The following HUWE1 variants were observed in gnomAD, a reference collection of about 807,000 sequenced individuals.
HUWE1 encodes the protein E3 ubiquitin-protein ligase HUWE1.
HUWE1 carries 18 observed loss-of-function variants against 299.4 expected under a neutral mutation model. The observed-to-expected ratio is 0.06, with a 90% CI of 0.04 to 0.09. The LOEUF (loss-of-function observed/expected upper bound fraction) is 0.09. HUWE1 is among the 10% of genes least tolerant of loss of function. HUWE1 has a pLI of 1.00. For missense variants in HUWE1, 1,832 were observed against 3,462.3 expected (o/e 0.53, Z 11.82); for synonymous variants, 1,317 against 1,286.1 (o/e 1.02, Z -0.51).
rs1556932833 is a variant in HUWE1, at chrX:53,554,851, T to C, written c.8276A>G (p.Lys2759Arg). The C allele has an allele frequency of 9.9e-6, 12 of 1,206,730 alleles. No homozygotes were observed. Among genetic ancestry groups the C allele is most frequent in the Non-Finnish European group, 1.3e-5 (12 of 892,127 alleles). The change falls in exon 61 of 84, where the codon AAG becomes AGG. Residue 2759 changes from lysine (K) to arginine (R), a missense_variant. Lys to Arg is a conservative substitution (Grantham distance 26). Around this residue, in one of 15 missense-constraint regions of HUWE1, gnomAD observed 143 missense variants for 148.1 expected, o/e 0.97. Transcript: ENST00000262854. ...GGATTGCAGAGTGCCAAGGGTCTCC[T>C]TGGACTCAGATGTAGCTGCATCAGT... The part of the protein sequence containing the change: ...SSTDAATSES[K>R]ETLGTLQSSQ...
chrX:53,603,087 T>C (rs1243886923), intron 27 of HUWE1, among the ~76,000 whole-genome samples: 5 of 111,580 alleles, frequency 4.5e-5, no homozygotes, highest in African/African-American at 1.3e-4. Context: ...ACCTGACCTC[T>C]TGATTTGCCT....
Position 53,614,664 on chromosome X carries a change from C to T in HUWE1, c.2131G>A (p.Ala711Thr), listed in dbSNP as rs782410724. The T allele has an allele frequency of 1.7e-6, 2 of 1,203,491 alleles. No individual in the cohort carries two copies. The highest frequency in any genetic ancestry group is 2.2e-5 in the Admixed American group (1 of 45,723). The change falls in exon 23 of 84, where the codon GCC (alanine) becomes ACC (threonine). Residue 711 changes from alanine to threonine, a missense_variant. Physicochemically the swap from Ala to Thr is moderately conservative, Grantham distance 58. Coordinates refer to ENST00000262854, the MANE Select transcript of HUWE1 (RefSeq NM_031407.7). ...KPSIQKADGTATAPPPRSNHA... is the reference protein window; with the variant it reads ...KPSIQKADGTTTAPPPRSNHA... ...TTAGACCTTGGGGGAGGAGCAGTGGCAGTGCCATCTGCCTTCTGGATTGAT... is the reference window on the plus strand; with the variant it reads ...TTAGACCTTGGGGGAGGAGCAGTGGTAGTGCCATCTGCCTTCTGGATTGAT...
chrX:53,592,455 C>T lies in HUWE1; in HGVS notation c.3915G>A (p.Gly1305=). The part of the protein sequence containing the change: ...KEGSRGEEDT[G]QEEGGSRREP... ...CCCGGCGGGAGCCACCTTCCTCTTG[C>T]CCTGTATCCTCTTCTCCTCGAGACC... The change falls in exon 33 of 84, where the codon GGG becomes GGA. Residue 1305 remains glycine, a synonymous_variant. Transcript: ENST00000262854. 2 of 1,211,045 alleles carry T rather than the reference C, an allele frequency of 1.7e-6. No individual in the cohort carries two copies. The highest frequency in any genetic ancestry group is 3.0e-5 in the East Asian group (1 of 33,828).
intron 3 of HUWE1, among the ~76,000 whole-genome samples, chrX:53,679,037 T>C (rs1170981625): frequency 8.9e-6 from 1 of 111,952 alleles, no homozygotes; most frequent in African/African-American, 3.3e-5. Flanking sequence ...ATTATAGCCA[T>C]TGTTCCATTA....
At position 53,580,899 on chromosome X, in the gene HUWE1, T is replaced by C. The variant is rs2063584929; in HGVS notation, c.5648A>G (p.Asp1883Gly). 8.3e-7 allele frequency: 1 copy of C among 1,211,618 alleles called. No individual in the cohort carries two copies. Among genetic ancestry groups the C allele is most frequent in the Non-Finnish European group, 1.1e-6 (1 of 895,421 alleles). Residue 1883 changes from aspartate to glycine, a missense_variant, in exon 43 of 84, where the codon GAC becomes GGC. By Grantham distance (94) the Asp-to-Gly change is moderately conservative (BLOSUM62 -1). Around this residue, in one of 15 missense-constraint regions of HUWE1, gnomAD observed 47 missense variants for 45.8 expected, o/e 1.03. Coordinates refer to ENST00000262854, the MANE Select transcript of HUWE1 (RefSeq NM_031407.7). ...GCAGTTGGCCACTTCTGTGAATATG[T>C]CTGGATTGCGGCATGCGGCTGGCCC... Reference protein sequence around the residue: ...VLGPAACRNPDIFTEVANCCI... With the variant: ...VLGPAACRNPGIFTEVANCCI...
intron 55 of HUWE1, 99 bp downstream of exon 55, chrX:53,561,657 G>A: frequency 8.7e-7 from 1 of 1,146,203 alleles, no homozygotes; most frequent in Non-Finnish European, 1.2e-6. Context: ...GAAAAGAAGT[G>A]CTGTCTGTAT....
chrX:53,684,337 G>A (rs781848391), intron 2 of HUWE1, among the ~76,000 whole-genome samples: 2 of 112,389 alleles, frequency 1.8e-5, no homozygotes, highest in Admixed American at 1.9e-4. Context: ...GGAGAAAGGC[G>A]GAGCTTCATG....
At chrX:53,593,833 T>A (rs1291752929) in intron 31 of HUWE1, among the ~76,000 whole-genome samples, 2 of 112,252 alleles carry the variant, frequency 1.8e-5, no homozygotes, top group African/African-American at 6.5e-5. Flanking sequence ...GCGCGGTGGC[T>A]CACGCCTGTA....
chrX:53,591,136 G>A lies in HUWE1; in HGVS notation c.3973-14C>T, dbSNP rs781900306. 3.3e-6 allele frequency: 4 copies of A among 1,207,445 alleles called. No homozygotes were observed. In the Admixed American group the frequency reaches 8.7e-5, roughly 26 times the overall value. Reference sequence around the variant, plus strand: ...CATGTCCATGAGCTACATAAAGAATGCAAGGGCTCAGAATCACATAACGGA... The same window carrying A: ...CATGTCCATGAGCTACATAAAGAATACAAGGGCTCAGAATCACATAACGGA... On this transcript the variant is annotated splice_polypyrimidine_tract_variant and intron_variant, in intron 33 of 83. Transcript: ENST00000262854.
intron 7 of HUWE1, 50 bp from the exon 8 acceptor site, chrX:53,634,348 C>A: frequency 1.1e-6 from 1 of 903,045 alleles, no homozygotes; most frequent in Non-Finnish European, 1.6e-6. Context: ...GGTGACTTTG[C>A]GCCACTGCAC....
Position 53,545,179 on chromosome X carries a change from T to C in HUWE1, c.10916-18A>G. On this transcript the variant is annotated intron_variant, in intron 70 of 83. Coordinates refer to ENST00000262854, the MANE Select transcript of HUWE1 (RefSeq NM_031407.7). ...CAGGGTACCTGAGCAGGCAGAGGAG[T>C]CAGCAAGTGTTCAGAGACTCCCCTG... 8 of 1,206,654 alleles carry C rather than the reference T, an allele frequency of 6.6e-6. No homozygotes were observed. The highest frequency in any genetic ancestry group is 9.0e-6 in the Non-Finnish European group (8 of 893,120).
At chrX:53,661,463 G>A (rs1441975000) in intron 3 of HUWE1, among the ~76,000 whole-genome samples, 1 of 111,580 alleles carries the variant, frequency 9.0e-6, no homozygotes, top group Non-Finnish European at 1.9e-5. Flanking sequence ...GGAAACTAGG[G>A]CCCAAGATGA....
chrX:53,588,546 A>C lies in HUWE1; in HGVS notation c.4462-12T>G. On this transcript the variant is annotated splice_polypyrimidine_tract_variant and intron_variant, in intron 36 of 83. Coordinates refer to ENST00000262854, the MANE Select transcript of HUWE1 (RefSeq NM_031407.7). Reference sequence around the variant, plus strand: ...GCAGCTTCCCACACCTAGAAAAGCAAAAAAAGGGTTAAGTCACGGAACCGC... The same window carrying C: ...GCAGCTTCCCACACCTAGAAAAGCACAAAAAGGGTTAAGTCACGGAACCGC... 1 of 1,198,411 alleles carries C rather than the reference A, an allele frequency of 8.3e-7. No homozygotes were observed. Among genetic ancestry groups the C allele is most frequent in the East Asian group, 3.0e-5 (1 of 33,591 alleles).
chrX:53,537,632 C>T lies in HUWE1; in HGVS notation c.12061G>A (p.Val4021Ile). ...GLRKEDMAVH[V>I]RRDHVFEDSY... is the part of the protein sequence containing the mutation. ...TCTTCAAACACATGGTCACGACGGA[C>T]ATGCACAGCCATGTCTTCTTTCCGG... is the stretch of plus-strand genomic sequence containing the variant. The change falls in exon 78 of 84, where the codon GTC becomes ATC. Residue 4021 changes from valine (V) to isoleucine (I), a missense_variant. Around this residue, in one of 15 missense-constraint regions of HUWE1, gnomAD observed 129 missense variants for 439.4 expected, o/e 0.29. Coordinates refer to ENST00000262854, the MANE Select transcript of HUWE1 (RefSeq NM_031407.7). 1 of 1,206,917 alleles carries T rather than the reference C, an allele frequency of 8.3e-7. No homozygotes were observed. Among genetic ancestry groups the T allele is most frequent in the Non-Finnish European group, 1.1e-6 (1 of 891,862 alleles).
intron 55 of HUWE1, among the ~76,000 whole-genome samples, chrX:53,561,473 T>C (rs1021801459): frequency 8.9e-6 from 1 of 112,498 alleles, no homozygotes. Flanking sequence ...CAGTCAGCCT[T>C]GGTCTCTTTC....
intron 2 of HUWE1, among the ~76,000 whole-genome samples, chrX:53,681,884 G>A (rs1299798823): frequency 8.9e-6 from 1 of 111,997 alleles, no homozygotes; most frequent in Non-Finnish European, 1.9e-5. Flanking sequence ...TTCTTGACAG[G>A]AACATTATGG....
intron 46 of HUWE1, 105 bp from the exon 47 acceptor site, chrX:53,574,069 G>T: frequency 1.5e-6 from 1 of 658,227 alleles, no homozygotes; most frequent in Non-Finnish European, 2.4e-6. Flanking sequence ...TAAGCCACCT[G>T]TACAAACTGA....
intron 43 of HUWE1, among the ~76,000 whole-genome samples, chrX:53,578,645 C>T (rs1556962514): frequency 3.3e-5 from 3 of 90,347 alleles, no homozygotes; most frequent in Non-Finnish European, 4.4e-5. Flanking sequence ...GTCAGCCCCC[C>T]GCCCGGCCAG....
intron 3 of HUWE1, among the ~76,000 whole-genome samples, chrX:53,676,761 T>C (rs2069840919): frequency 8.9e-6 from 1 of 111,857 alleles, no homozygotes; most frequent in South Asian, 3.7e-4. Flanking sequence ...TGCAATGTAT[T>C]GAAACCCATC....
Sources: gnomAD v4.1 joint callset for allele counts (sites outside exome capture counted in the v4.1 genomes callset) on GRCh38, gnomAD v4.1.1 for gene constraint, gnomAD v4.1.1 regional missense constraint, MANE v1.5 for transcripts, NCBI Gene and HGNC (gene_info 2026-07-23, HGNC 2026-07-21) for gene names.